Variants in ENPP1 observed in about 807,000 individuals in gnomAD.
The protein encoded by ENPP1 is ectonucleotide pyrophosphatase/phosphodiesterase 1.
Under a neutral mutation model 122.8 loss-of-function variants are expected in ENPP1, and 73 were observed. The ratio of observed to expected loss-of-function variants is 0.59; its 90% confidence interval spans 0.49 to 0.72. The LOEUF is 0.72. Ranked by LOEUF, ENPP1 falls within the 30% of genes least tolerant of loss-of-function variation. ENPP1 has a pLI of 0.00. For synonymous variants in ENPP1, 367 were observed against 391.6 expected, an observed-to-expected ratio of 0.94 and a Z score of 0.74; for missense variants, 978 against 1,128.1, an observed-to-expected ratio of 0.87 and a Z score of 1.91.
At chr6:131,827,629 A>G (rs369261467) in intron 1 of ENPP1, 8 of 600,402 alleles carry the variant, frequency 1.3e-5, no homozygotes, top group South Asian at 1.1e-4. Flanking sequence ...GACTTTGACT[A>G]TTATCTGCTT....
chr6:131,882,595 C>T (rs1326121783), intron 21 of ENPP1, 121 bp downstream of exon 21: 2 of 189,372 alleles, frequency 1.1e-5, no homozygotes, highest in Non-Finnish European at 9.2e-6. Flanking sequence ...ATAAATATTA[C>T]CTATTTTATA....
rs1781926892 is a variant in ENPP1 at position 131,854,947 on chromosome 6, C to T, written c.639C>T (p.Leu213=). 6.2e-7 allele frequency: 1 copy of T among 1,613,456 alleles called. No homozygotes were observed. Among genetic ancestry groups the T allele is most frequent in the East Asian group, 2.2e-5 (1 of 44,850 alleles). ...CCAGGTTTGAAACGCCTCCTACCCTCTTATTTTCTTTGGATGGATTCAGGG... is the reference window on the plus strand; with the variant it reads ...CCAGGTTTGAAACGCCTCCTACCCTTTTATTTTCTTTGGATGGATTCAGGG... ...CPAGFETPPT[L]LFSLDGFRAE... is the part of the protein sequence containing the mutation. The change falls in exon 6 of 25, where the codon CTC becomes CTT. Residue 213 remains leucine, a synonymous_variant. Transcript: ENST00000647893.
intron 10 of ENPP1, 50 bp from the exon 11 acceptor site, chr6:131,864,816 G>T: frequency 8.2e-7 from 1 of 1,213,314 alleles, no homozygotes; most frequent in South Asian, 1.2e-5. Flanking sequence ...TTTCCATTCT[G>T]TTTTTCAATG....
intron 1 of ENPP1, chr6:131,827,343 G>A (rs1781558073): frequency 1.0e-5 from 12 of 1,172,306 alleles, no homozygotes; most frequent in South Asian, 2.4e-5. Flanking sequence ...CTTGACATCA[G>A]GGATGTCACT....
chr6:131,875,345 T>A (rs1187866072), intron 16 of ENPP1, among the ~76,000 whole-genome samples: 1 of 152,174 alleles, frequency 6.6e-6, no homozygotes, highest in Admixed American at 6.6e-5. Flanking sequence ...AGAAAACCAG[T>A]GCTATAATAG....
At position 131,872,074 on chromosome 6, in the gene ENPP1, C is replaced by G; in HGVS notation, c.1410C>G (p.Asn470Lys). ...SDVPDKYYSF[N>K]YEGIARNLSC... ...CTTATGTTTGTTCCCCTCCAGTTAA[C>G]TATGAAGGCATTGCCCGAAATCTTT... Residue 470 changes from asparagine (N) to lysine (K), a missense_variant, in exon 14 of 25, where the codon AAC (asparagine) becomes AAG (lysine). This residue lies in a region of ENPP1 where 644 missense variants were observed against 781.5 expected (regional missense o/e 0.82). Coordinates refer to ENST00000647893, the MANE Select transcript of ENPP1 (RefSeq NM_006208.3). 2 of 1,587,484 alleles carry G rather than the reference C, an allele frequency of 1.3e-6. No homozygotes were observed. Among genetic ancestry groups the G allele is most frequent in the Non-Finnish European group, 1.7e-6 (2 of 1,158,788 alleles).
intron 14 of ENPP1, among the ~76,000 whole-genome samples, chr6:131,872,628 A>G (rs1009515227): frequency 6.6e-6 from 1 of 152,134 alleles, no homozygotes; most frequent in African/African-American, 2.4e-5. Flanking sequence ...TGGGGCTTTT[A>G]TGCAGTAATA....
intron 1 of ENPP1, among the ~76,000 whole-genome samples, chr6:131,824,606 C>T (rs1163738425): frequency 6.6e-6 from 1 of 152,124 alleles, no homozygotes; most frequent in Non-Finnish European, 1.5e-5. Context: ...AGGTGCTCGT[C>T]ACCATGCCCA....
chr6:131,831,441 T>C (rs858336), intron 1 of ENPP1, among the ~76,000 whole-genome samples: 28,324 of 152,102 alleles, frequency 0.19, 2,785 homozygotes, highest in Middle Eastern at 0.27. Flanking sequence ...ACTTGTTTTT[T>C]CCCTAATGTC....
In ENPP1 at chr6:131,851,833, C is replaced by T. The variant is rs539780194; in HGVS notation, c.557-342C>T. Among the ~76,000 whole-genome samples the T allele has an allele frequency of 3.3e-5, 5 of 151,886 alleles. No homozygotes were observed. The East Asian group carries it at 9.6e-4, about 29-fold the overall frequency. ...GAGAGAGAACTAAGACACCAAAATA[C>T]CAAGGATTTTGATGAGTGGATAGAA... is the stretch of plus-strand genomic sequence containing the variant. On this transcript the variant is annotated intron_variant, in intron 4 of 24. Transcript: ENST00000647893.
At chr6:131,815,466 G>A (rs1042545219) in intron 1 of ENPP1, among the ~76,000 whole-genome samples, 2 of 152,030 alleles carry the variant, frequency 1.3e-5, no homozygotes, top group Non-Finnish European at 2.9e-5. Context: ...ACTCCATGTT[G>A]TCTCTTTCTC....
chr6:131,857,246 T>C (rs1222991344), intron 6 of ENPP1, among the ~76,000 whole-genome samples: 1 of 131,264 alleles, frequency 7.6e-6, no homozygotes, highest in Non-Finnish European at 1.6e-5. Flanking sequence ...GTGTGGCCAT[T>C]CCTCAGGGAT....
intron 5 of ENPP1, among the ~76,000 whole-genome samples, chr6:131,854,591 A>G (rs1432388448): frequency 6.6e-6 from 1 of 152,160 alleles, no homozygotes; most frequent in East Asian, 1.9e-4. Context: ...TGGGAAAACA[A>G]TATTATATTT....
At chr6:131,814,641 A>G (rs1781394188) in intron 1 of ENPP1, among the ~76,000 whole-genome samples, 1 of 152,208 alleles carries the variant, frequency 6.6e-6, no homozygotes, top group Non-Finnish European at 1.5e-5. Context: ...TGGAAGGAAG[A>G]ATGTTCAAGC....
chr6:131,884,792 A>G, intron 22 of ENPP1, 139 bp from the exon 23 acceptor site: 1 of 1,036,300 alleles, frequency 9.6e-7, no homozygotes, highest in East Asian at 2.5e-5. Context: ...AAAACAAAAC[A>G]AAACGAAGAC....
chr6:131,815,871 A>ATTTTTTTTTTTTTTTT (rs750091125), intron 1 of ENPP1, among the ~76,000 whole-genome samples: 1 of 115,842 alleles, frequency 8.6e-6, no homozygotes, highest in Non-Finnish European at 1.7e-5. Context: ...CACCTGGCTA[A>ATTTTTTTTTTTTTTTT]TTTTTTTTTT....
chr6:131,826,672 T>A (rs1781549747), intron 1 of ENPP1: 4 of 707,072 alleles, frequency 5.7e-6, no homozygotes, highest in Non-Finnish European at 9.4e-6. Flanking sequence ...CACAGCCAGT[T>A]TGCTTCCCTC....
intron 15 of ENPP1, among the ~76,000 whole-genome samples, chr6:131,873,266 G>A (rs1474657405): frequency 6.6e-6 from 1 of 152,002 alleles, no homozygotes; most frequent in East Asian, 1.9e-4. Context: ...TATTTGACAA[G>A]GATCCTTTAC....
At chr6:131,856,959 A>G (rs1442484941) in intron 6 of ENPP1, among the ~76,000 whole-genome samples, 1 of 152,000 alleles carries the variant, frequency 6.6e-6, no homozygotes, top group Non-Finnish European at 1.5e-5. Flanking sequence ...CTTAGGATTG[A>G]CTTGGCGATG....
Sources: allele counts gnomAD v4.1 joint callset (sites outside exome capture counted in the v4.1 genomes callset), GRCh38; gene constraint gnomAD v4.1.1; regional missense constraint gnomAD v4.1.1; transcripts MANE v1.5; gene names NCBI Gene and HGNC (gene_info 2026-07-23, HGNC 2026-07-21).